The following SGIP1 variants were observed in gnomAD, a reference collection of about 807,000 sequenced individuals.
The protein encoded by SGIP1 is SH3-containing GRB2-like protein 3-interacting protein 1.
In SGIP1, 38 loss-of-function variants were observed where a neutral mutation model predicts 107.5. That is an observed-to-expected ratio of 0.35 (90% confidence interval 0.27 to 0.46). SGIP1 has a LOEUF of 0.46. Among genes scored for constraint, SGIP1 ranks in the 20% least tolerant of loss-of-function variants. SGIP1 has a pLI of 1.00. For missense variants in SGIP1, 929 were observed against 1,019.5 expected (o/e 0.91, Z 1.21); for synonymous variants, 365 against 366.1 (o/e 1.00, Z 0.03).
chr1:66,741,277 G>C lies in SGIP1; in HGVS notation c.2305G>C (p.Gly769Arg). ...ISQKSENGGVGSLLARFQLSE... is the reference protein window; with the variant it reads ...ISQKSENGGVRSLLARFQLSE... ...AATAATGTGTTTTTTTTTAGGGGTGGGTTCTTTGTTGGCAAGATTTCAGTT... is the reference window on the plus strand; with the variant it reads ...AATAATGTGTTTTTTTTTAGGGGTGCGTTCTTTGTTGGCAAGATTTCAGTT... Residue 769 changes from glycine (G) to arginine (R), a missense_variant, in exon 24 of 25, where the codon GGT becomes CGT. Coordinates refer to ENST00000371037, the MANE Select transcript of SGIP1 (RefSeq NM_032291.4). 1 of 1,576,034 alleles carries C rather than the reference G, an allele frequency of 6.3e-7. No homozygotes were observed.
Position 66,749,419 on chromosome 1 carries a change from T to C in SGIP1, c.*6324T>C, listed in dbSNP as rs911391378. 6.6e-6 allele frequency among the ~76,000 whole-genome samples: 1 copy of C among 151,632 alleles called. No individual in the cohort carries two copies. Among genetic ancestry groups the C allele is most frequent in the Non-Finnish European group, 1.5e-5 (1 of 67,840 alleles). On this transcript the variant is annotated 3_prime_UTR_variant, in exon 25 of 25. Transcript: ENST00000371037. Reference sequence around the variant, plus strand: ...GCACAGATTTTGTGAGATTCTATACTCTTTTAATGAGCATTTCATAGGGTT... The same window carrying C: ...GCACAGATTTTGTGAGATTCTATACCCTTTTAATGAGCATTTCATAGGGTT...
chr1:66,663,254 T>A (rs2081904727), intron 8 of SGIP1, among the ~76,000 whole-genome samples: 1 of 152,046 alleles, frequency 6.6e-6, no homozygotes, highest in African/African-American at 2.4e-5. Flanking sequence ...CTGCAAGCAT[T>A]TGGGTTTGCA....
chr1:66,592,897 C>CT (rs35762612), intron 1 of SGIP1, among the ~76,000 whole-genome samples: 583 of 56,326 alleles, frequency 0.01, 60 homozygotes, highest in Middle Eastern at 0.014. Context: ...TCTTCTTCTT[C>CT]TTTTTTTTTT....
At chr1:66,570,712 T>C (rs1464229857) in intron 1 of SGIP1, among the ~76,000 whole-genome samples, 1 of 151,950 alleles carries the variant, frequency 6.6e-6, no homozygotes, top group Non-Finnish European at 1.5e-5. Flanking sequence ...TGTAGTTCCC[T>C]ACTGTCATGG....
At chr1:66,557,192 G>A (rs2058310619) in intron 1 of SGIP1, among the ~76,000 whole-genome samples, 1 of 152,030 alleles carries the variant, frequency 6.6e-6, no homozygotes, top group South Asian at 2.1e-4. Context: ...TTATAATTTA[G>A]GGATTCTTGT....
At chr1:66,584,467 G>A (rs1212381289) in intron 1 of SGIP1, among the ~76,000 whole-genome samples, 1 of 152,078 alleles carries the variant, frequency 6.6e-6, no homozygotes, top group Non-Finnish European at 1.5e-5. Flanking sequence ...TCTAACCCAT[G>A]TTAAAATTTC....
intron 1 of SGIP1, among the ~76,000 whole-genome samples, chr1:66,621,925 T>C (rs1379714481): frequency 1.3e-5 from 2 of 152,260 alleles, no homozygotes; most frequent in African/African-American, 2.4e-5. Context: ...GGCATATCTT[T>C]GCAGCTTTTA....
At chr1:66,543,221 C>T (rs1286311455) in intron 1 of SGIP1, among the ~76,000 whole-genome samples, 1 of 151,676 alleles carries the variant, frequency 6.6e-6, no homozygotes, top group African/African-American at 2.4e-5. Context: ...TAAACTTTCA[C>T]AGCTTACCTT....
intron 2 of SGIP1, among the ~76,000 whole-genome samples, chr1:66,631,044 GAAGAAAGA>G (rs373346734): frequency 0.1 from 10,226 of 102,518 alleles, 416 homozygotes; most frequent in Middle Eastern, 0.15. Flanking sequence ...AGGAAGAAAG[GAAGAAAGA>G]AAGAAAGAAA....
intron 21 of SGIP1, among the ~76,000 whole-genome samples, chr1:66,737,264 C>T (rs2094296393): frequency 1.3e-5 from 2 of 152,182 alleles, no homozygotes. Flanking sequence ...ACTGCATGTA[C>T]ATCTTCACTT....
At chr1:66,535,259 T>C (rs1227541073) in intron 1 of SGIP1, among the ~76,000 whole-genome samples, 1 of 152,230 alleles carries the variant, frequency 6.6e-6, no homozygotes, top group East Asian at 1.9e-4. Context: ...TTTGATTTTC[T>C]GTTTTCACAC....
intron 8 of SGIP1, among the ~76,000 whole-genome samples, chr1:66,661,745 G>T (rs893764958): frequency 1.3e-5 from 2 of 151,970 alleles, no homozygotes; most frequent in African/African-American, 2.4e-5. Context: ...ACCAAATTTG[G>T]CCACCTCAAA....
At chr1:66,545,924 G>A (rs183322292) in intron 1 of SGIP1, among the ~76,000 whole-genome samples, 102 of 152,218 alleles carry the variant, frequency 6.7e-4, no homozygotes, top group African/African-American at 2.4e-3. Context: ...TGCCACAGTA[G>A]AGACCATATT....
chr1:66,682,074 A>G lies in SGIP1; in HGVS notation c.1020A>G (p.Pro340=). ...REKVVSPPAT[P]DNPADSPAPG... Reference sequence around the variant, plus strand: ...AAGTGGTGTCCCCACCAGCTACACCAGACAACCCAGCTGACTCCCCAGCTC... The same window carrying G: ...AAGTGGTGTCCCCACCAGCTACACCGGACAACCCAGCTGACTCCCCAGCTC... The change falls in exon 15 of 25, where the codon CCA becomes CCG. Residue 340 remains proline (P), a synonymous_variant. Coordinates refer to ENST00000371037, the MANE Select transcript of SGIP1 (RefSeq NM_032291.4). 1 of 1,614,224 alleles carries G rather than the reference A, an allele frequency of 6.2e-7. No homozygotes were observed. Among genetic ancestry groups the G allele is most frequent in the Non-Finnish European group, 8.5e-7 (1 of 1,180,026 alleles).
Position 66,556,767 on chromosome 1 carries a change from G to T in SGIP1, c.10+22399G>T, listed in dbSNP as rs569829629. 3.3e-5 allele frequency among the ~76,000 whole-genome samples: 5 copies of T among 152,050 alleles called. No homozygotes were observed. In the South Asian group the frequency reaches 1.0e-3, roughly 32 times the overall value. On this transcript the variant is annotated intron_variant, in intron 1 of 24. Coordinates refer to ENST00000371037, the MANE Select transcript of SGIP1 (RefSeq NM_032291.4). ...TTAAAGGGTGAGTGAACCCATCATGGCTAAAATGATCTGTAATACAAAATA... is the reference window on the plus strand; with the variant it reads ...TTAAAGGGTGAGTGAACCCATCATGTCTAAAATGATCTGTAATACAAAATA...
At position 66,635,959 on chromosome 1, in the gene SGIP1, G is replaced by T; in HGVS notation, c.115G>T (p.Glu39Ter). Reference protein sequence around the residue: ...DRDGIQPSPHEPPYNSKAECA... With the variant: ...DRDGIQPSPH Reference sequence around the variant, plus strand: ...TCAATTCCAGCAGCCCAGCCCACACGAACCACCCTACAATAGCAAAGCAGA... The same window carrying T: ...TCAATTCCAGCAGCCCAGCCCACACTAACCACCCTACAATAGCAAAGCAGA... Residue 39 changes from glutamate (E) to a stop codon, truncating the protein, a stop_gained, in exon 4 of 25, where the codon GAA (glutamate) becomes TAA (stop). Coordinates refer to ENST00000371037, the MANE Select transcript of SGIP1 (RefSeq NM_032291.4). LOFTEE classifies it high-confidence loss of function. 1 of 1,613,712 alleles carries T rather than the reference G, an allele frequency of 6.2e-7. No individual in the cohort carries two copies. The highest frequency in any genetic ancestry group is 8.5e-7 in the Non-Finnish European group (1 of 1,179,834).
At chr1:66,649,887 C>G (rs1161552204) in intron 7 of SGIP1, among the ~76,000 whole-genome samples, 2 of 152,138 alleles carry the variant, frequency 1.3e-5, no homozygotes, top group Non-Finnish European at 2.9e-5. Flanking sequence ...GTTCTACCTC[C>G]TTTTAGTTGA....
chr1:66,616,384 T>G (rs1007380222), intron 1 of SGIP1, among the ~76,000 whole-genome samples: 1 of 151,404 alleles, frequency 6.6e-6, no homozygotes, highest in African/African-American at 2.4e-5. Context: ...GTTTTATAAC[T>G]ATCAAAATTC....
intron 1 of SGIP1, among the ~76,000 whole-genome samples, chr1:66,560,371 T>C (rs954018262): frequency 3.9e-5 from 6 of 152,064 alleles, no homozygotes; most frequent in African/African-American, 1.4e-4. Context: ...TTGTAGTTCA[T>C]CCCTAAACAA....
Sources: allele counts gnomAD v4.1 joint callset (sites outside exome capture counted in the v4.1 genomes callset), GRCh38; gene constraint gnomAD v4.1.1; transcripts MANE v1.5; gene names NCBI Gene and HGNC (gene_info 2026-07-23, HGNC 2026-07-21).